ABHD6: variants seen among roughly 807,000 people sequenced by gnomAD.
ABHD6 encodes abhydrolase domain containing 6, acylglycerol lipase, also known as monoacylglycerol lipase ABHD6.
In ABHD6, 33 loss-of-function variants were observed where a neutral mutation model predicts 38.8. The ratio of observed to expected loss-of-function variants is 0.85; its 90% confidence interval spans 0.64 to 1.14. ABHD6 has a LOEUF of 1.14. Ranked by LOEUF, ABHD6 falls within the 50% of genes most tolerant of loss-of-function variation. ABHD6 has a pLI of 0.00. For synonymous variants in ABHD6, 147 were observed against 161.6 expected (o/e 0.91, Z 0.69); for missense variants, 380 against 422.6 (o/e 0.90, Z 0.88).
chr3:58,270,781 A>T, intron 5 of ABHD6, 151 bp from the exon 6 acceptor site: 1 of 761,486 alleles, frequency 1.3e-6, no homozygotes, highest in East Asian at 2.9e-5. Context: ...CACAGGGCTC[A>T]TCTTATAATG....
In ABHD6 at chr3:58,281,738, G is replaced by A. The variant is rs575234437; in HGVS notation, c.682-3347G>A. Among the ~76,000 whole-genome samples the A allele has an allele frequency of 7.9e-5, 12 of 152,278 alleles. No homozygotes were observed. The East Asian group carries it at 1.2e-3, about 15-fold the overall frequency. On this transcript the variant is annotated intron_variant, in intron 7 of 9. Coordinates refer to ENST00000478253, the MANE Select transcript of ABHD6 (RefSeq NM_001320126.2). ...TTCGGCCATCTTGGAACCTATCCTC[G>A]TTATACTCTTAAAAATTGTTGAGGA...
intron 3 of ABHD6, among the ~76,000 whole-genome samples, chr3:58,260,127 G>A (rs1343399343): frequency 1.3e-5 from 2 of 152,154 alleles, no homozygotes; most frequent in African/African-American, 4.8e-5. Context: ...TGGCTATTAT[G>A]AATAATGCTG....
intron 7 of ABHD6, among the ~76,000 whole-genome samples, chr3:58,280,521 A>G (rs1438483279): frequency 2.6e-5 from 4 of 152,172 alleles, no homozygotes; most frequent in Admixed American, 2.6e-4. Context: ...TAGCTTCCTT[A>G]TAATGGGTTC....
chr3:58,284,106 C>CT (rs1382359746), intron 7 of ABHD6, among the ~76,000 whole-genome samples: 5 of 152,152 alleles, frequency 3.3e-5, no homozygotes, highest in Non-Finnish European at 7.3e-5. Flanking sequence ...ACCCTGTACT[C>CT]TACCTCAGGA....
chr3:58,281,602 C>T (rs2097453312), intron 7 of ABHD6, among the ~76,000 whole-genome samples: 1 of 152,216 alleles, frequency 6.6e-6, no homozygotes. Context: ...GGGCTGCACC[C>T]ACTGTCCAAC....
chr3:58,252,329 T>G (rs1261780137), intron 2 of ABHD6, among the ~76,000 whole-genome samples: 1 of 133,426 alleles, frequency 7.5e-6, no homozygotes, highest in Non-Finnish European at 1.5e-5. Flanking sequence ...TCCTCCCACC[T>G]GAGTCTCCTG....
In ABHD6 at chr3:58,266,926, G is replaced by C. The variant is rs1288726082; in HGVS notation, c.120-263G>C. ...TTATCATGTGTGGCATACTTCTTAA[G>C]AAAACACCGCATTTCCCTTCCTAGA... On this transcript the variant is annotated intron_variant, in intron 3 of 9. Transcript: ENST00000478253. The surrounding 1 kb of genome is among the most constrained non-coding windows in gnomAD (Gnocchi z 4.0). Among the ~76,000 whole-genome samples, 1 of 152,160 alleles carries C rather than the reference G, an allele frequency of 6.6e-6. No individual in the cohort carries two copies. Among genetic ancestry groups the C allele is most frequent in the East Asian group, 1.9e-4 (1 of 5,190 alleles).
In ABHD6 at chr3:58,273,927, T is replaced by A. The variant is rs1160877979; in HGVS notation, c.524-731T>A. Among the ~76,000 whole-genome samples the A allele has an allele frequency of 1.3e-5, 2 of 152,328 alleles. No homozygotes were observed. Among genetic ancestry groups the A allele is most frequent in the East Asian group, 3.9e-4 (2 of 5,186 alleles). On this transcript the variant is annotated intron_variant, in intron 6 of 9. Transcript: ENST00000478253. The surrounding 1 kb of genome is among the most constrained non-coding windows in gnomAD (Gnocchi z 4.8). ...AATCTAATTATTTGGCTAAGCTAAA[T>A]GCCTAGAAATTTGCTCCATGCTGGA... is the stretch of plus-strand genomic sequence containing the variant.
Position 58,256,619 on chromosome 3 carries a change from T to G in ABHD6, c.33T>G (p.Ile11Met). 1 of 1,614,166 alleles carries G rather than the reference T, an allele frequency of 6.2e-7. No individual in the cohort carries two copies. The highest frequency in any genetic ancestry group is 8.5e-7 in the Non-Finnish European group (1 of 1,180,030). Reference protein sequence around the residue: MDLDVVNMFVIAGGTLAIPIL... With the variant: MDLDVVNMFVMAGGTLAIPIL... Reference sequence around the variant, plus strand: ...TTGATGTGGTTAACATGTTTGTGATTGCGGGCGGCACGCTGGCCATCCCAA... The same window carrying G: ...TTGATGTGGTTAACATGTTTGTGATGGCGGGCGGCACGCTGGCCATCCCAA... Residue 11 changes from isoleucine to methionine, a missense_variant, in exon 3 of 10, where the codon ATT becomes ATG. By Grantham distance (10) the Ile-to-Met change is conservative. Coordinates refer to ENST00000478253, the MANE Select transcript of ABHD6 (RefSeq NM_001320126.2). This position sits in a 1 kb window ranked among gnomAD's most constrained non-coding sequence, Gnocchi z 4.3.
intron 9 of ABHD6, among the ~76,000 whole-genome samples, chr3:58,286,233 A>G (rs536516731): frequency 6.6e-6 from 1 of 151,886 alleles, no homozygotes; most frequent in South Asian, 2.1e-4. Flanking sequence ...GTTAGCCAGG[A>G]TGGTCTCGAT....
chr3:58,267,593 G>A lies in ABHD6; in HGVS notation c.276+248G>A, dbSNP rs1408242055. On this transcript the variant is annotated intron_variant, in intron 4 of 9. Coordinates refer to ENST00000478253, the MANE Select transcript of ABHD6 (RefSeq NM_001320126.2). This position sits in a 1 kb window ranked among gnomAD's most constrained non-coding sequence, Gnocchi z 4.3. Reference sequence around the variant, plus strand: ...GGTGGGAAGATTGCTTGAGCCTGGGGGGTCAAGTCTTCAGTGAGCAATGAT... The same window carrying A: ...GGTGGGAAGATTGCTTGAGCCTGGGAGGTCAAGTCTTCAGTGAGCAATGAT... Among the ~76,000 whole-genome samples, 1 of 151,854 alleles carries A rather than the reference G, an allele frequency of 6.6e-6. No homozygotes were observed. The highest frequency in any genetic ancestry group is 2.4e-5 in the African/African-American group (1 of 41,322).
At chr3:58,290,116 C>T (rs1319242659) in intron 9 of ABHD6, among the ~76,000 whole-genome samples, 132 of 92,632 alleles carry the variant, frequency 1.4e-3, no homozygotes, top group Middle Eastern at 0.01. Flanking sequence ...TAGGGGCGGC[C>T]GGGCAGAGGC....
intron 3 of ABHD6, among the ~76,000 whole-genome samples, chr3:58,262,783 C>T (rs1323158480): frequency 6.6e-6 from 1 of 152,146 alleles, no homozygotes; most frequent in Admixed American, 6.6e-5. Context: ...AATATTAGTT[C>T]TCTGGGCTGG....
intron 4 of ABHD6, among the ~76,000 whole-genome samples, chr3:58,268,567 T>C: frequency 6.6e-6 from 1 of 151,984 alleles, no homozygotes; most frequent in Non-Finnish European, 1.5e-5. Flanking sequence ...ACACCATACC[T>C]GAGGGATCCC....
intron 7 of ABHD6, among the ~76,000 whole-genome samples, chr3:58,279,249 G>A (rs2097451090): frequency 6.6e-6 from 1 of 152,112 alleles, no homozygotes; most frequent in Non-Finnish European, 1.5e-5. Context: ...TCTCTTTGTA[G>A]GTCTCTAAGA....
chr3:58,249,600 T>C (rs6445964), intron 1 of ABHD6, among the ~76,000 whole-genome samples: 112,233 of 152,152 alleles, frequency 0.74, 42,582 homozygotes, highest in East Asian at 1. Flanking sequence ...CTTGACTACT[T>C]ACCAGATTTC....
chr3:58,278,837 T>G (rs1421016918), intron 7 of ABHD6, among the ~76,000 whole-genome samples: 1 of 152,236 alleles, frequency 6.6e-6, no homozygotes, highest in Non-Finnish European at 1.5e-5. Flanking sequence ...CATCTTTATT[T>G]CTGCCTTCAT....
Position 58,247,081 on chromosome 3 carries a change from G to A in ABHD6, c.-90-2797G>A, listed in dbSNP as rs572753366. Among the ~76,000 whole-genome samples the A allele has an allele frequency of 3.3e-3, 494 of 150,042 alleles. 1 individual carries two copies. Among genetic ancestry groups the A allele is most frequent in the Non-Finnish European group, 4.1e-3 (275 of 67,656 alleles). ...AGACAGAGCCTTACTCTGTCACCCA[G>A]GCTGCAGTGCAGTGCACTGCAACCT... On this transcript the variant is annotated intron_variant, in intron 1 of 9. Transcript: ENST00000478253.
rs2097440107 is a variant in ABHD6 at position 58,265,213 on chromosome 3, G to A, written c.120-1976G>A. 6.6e-6 allele frequency among the ~76,000 whole-genome samples: 1 copy of A among 152,072 alleles called. No individual in the cohort carries two copies. The highest frequency in any genetic ancestry group is 1.5e-5 in the Non-Finnish European group (1 of 68,010). ...ATGATCTCCAGTTCCATCCATGTTGGTGCACTATTCATATTTTTAATTACT... is the reference window on the plus strand; with the variant it reads ...ATGATCTCCAGTTCCATCCATGTTGATGCACTATTCATATTTTTAATTACT... On this transcript the variant is annotated intron_variant, in intron 3 of 9. Transcript: ENST00000478253. The surrounding 1 kb of genome is among the most constrained non-coding windows in gnomAD (Gnocchi z 4.2).
Sources: allele counts gnomAD v4.1 joint callset (sites outside exome capture counted in the v4.1 genomes callset), GRCh38; gene constraint gnomAD v4.1.1; non-coding constraint Gnocchi (gnomAD v3.1); transcripts MANE v1.5; gene names NCBI Gene and HGNC (gene_info 2026-07-23, HGNC 2026-07-21).